The following SPOCK3 variants were observed in gnomAD, a reference collection of about 807,000 sequenced individuals.
SPOCK3 encodes the protein testican-3.
In SPOCK3, 30 loss-of-function variants were observed where a neutral mutation model predicts 56.6. The ratio of observed to expected loss-of-function variants is 0.53; its 90% CI spans 0.40 to 0.72. The LOEUF is 0.72. Among genes scored for constraint, SPOCK3 ranks in the 30% least tolerant of loss-of-function variants. SPOCK3 has a pLI of 0.00. For missense variants in SPOCK3, 527 were observed against 530.0 expected (o/e 0.99, Z 0.06); for synonymous variants, 196 against 183.3 (o/e 1.07, Z -0.56).
intron 4 of SPOCK3, among the ~76,000 whole-genome samples, chr4:166,982,109 A>G (rs1472208625): frequency 6.6e-6 from 1 of 152,050 alleles, no homozygotes; most frequent in East Asian, 1.9e-4. Context: ...CGCCCTGCTG[A>G]ACCAGCAGGG....
At chr4:166,946,617 C>T (rs73861912) in intron 4 of SPOCK3, among the ~76,000 whole-genome samples, 4,012 of 152,318 alleles carry the variant, frequency 0.026, 158 homozygotes, top group African/African-American at 0.089. Context: ...CCATCATCCT[C>T]GTCAGCACTG....
intron 4 of SPOCK3, among the ~76,000 whole-genome samples, chr4:166,982,854 TTAAA>T (rs1441413664): frequency 6.6e-6 from 1 of 152,192 alleles, no homozygotes; most frequent in Non-Finnish European, 1.5e-5. Flanking sequence ...ATACTTGTAC[TTAAA>T]TAATGCATTC....
chr4:167,140,576 T>C (rs1392623040), intron 2 of SPOCK3, among the ~76,000 whole-genome samples: 1 of 152,016 alleles, frequency 6.6e-6, no homozygotes, highest in Non-Finnish European at 1.5e-5. Flanking sequence ...CAGGAAACAT[T>C]AAGCACTGGA....
chr4:166,924,212 A>G (rs1330563138), intron 4 of SPOCK3, among the ~76,000 whole-genome samples: 1 of 152,172 alleles, frequency 6.6e-6, no homozygotes, highest in Non-Finnish European at 1.5e-5. Context: ...AAGGAACATC[A>G]CAAAATATTT....
chr4:166,858,221 G>A (rs1037583390), intron 6 of SPOCK3, among the ~76,000 whole-genome samples: 1 of 152,092 alleles, frequency 6.6e-6, no homozygotes. Context: ...GCAGCATCAG[G>A]TATAAATAAT....
At position 166,944,695 on chromosome 4, in the gene SPOCK3, A is replaced by G. The variant is rs565159715; in HGVS notation, c.351-31952T>C. 9.5e-4 allele frequency among the ~76,000 whole-genome samples: 145 copies of G among 152,096 alleles called. 1 individual carries two copies. Among genetic ancestry groups the G allele is most frequent in the African/African-American group, 3.4e-3 (139 of 41,414 alleles). The stretch of plus-strand genomic sequence containing the variant: ...TTGGCAGGAGTATCACAGAAATTAC[A>G]TATTATTTTTGTCACATCTTCTTAT... On this transcript the variant is annotated intron_variant, in intron 4 of 10. Coordinates refer to ENST00000357545, the MANE Select transcript of SPOCK3 (RefSeq NM_001040159.2).
chr4:166,950,612 C>T (rs1313968997), intron 4 of SPOCK3, among the ~76,000 whole-genome samples: 4 of 150,784 alleles, frequency 2.7e-5, no homozygotes, highest in African/African-American at 7.4e-5. Flanking sequence ...AACTCTCCAC[C>T]CCAAATCAAC....
intron 2 of SPOCK3, among the ~76,000 whole-genome samples, chr4:167,076,438 T>G (rs929114409): frequency 4.6e-5 from 7 of 151,616 alleles, no homozygotes; most frequent in African/African-American, 1.7e-4. Context: ...TTGCTCGATA[T>G]TGCTAGGAAC....
At chr4:167,034,304 T>C (rs1752536903) in intron 3 of SPOCK3, among the ~76,000 whole-genome samples, 1 of 151,598 alleles carries the variant, frequency 6.6e-6, no homozygotes, top group African/African-American at 2.4e-5. Flanking sequence ...AAAATTTGAG[T>C]CCATATACCC....
chr4:167,174,915 T>A (rs1429444255), intron 2 of SPOCK3, among the ~76,000 whole-genome samples: 1 of 151,374 alleles, frequency 6.6e-6, no homozygotes, highest in Non-Finnish European at 1.5e-5. Context: ...CTCAAAGGAG[T>A]CCTTGAAGTT....
intron 8 of SPOCK3, among the ~76,000 whole-genome samples, chr4:166,744,220 C>T (rs970690938): frequency 1.3e-5 from 2 of 152,094 alleles, no homozygotes; most frequent in Non-Finnish European, 2.9e-5. Context: ...GGCTGACTGA[C>T]ACCTCATACA....
chr4:167,198,739 A>G (rs1477822337), intron 2 of SPOCK3, among the ~76,000 whole-genome samples: 2 of 152,148 alleles, frequency 1.3e-5, no homozygotes, highest in African/African-American at 4.8e-5. Flanking sequence ...CGATAGTTCA[A>G]ATCTGATAAC....
At chr4:166,927,377 G>C (rs951823021) in intron 4 of SPOCK3, among the ~76,000 whole-genome samples, 78 of 152,210 alleles carry the variant, frequency 5.1e-4, no homozygotes, top group African/African-American at 1.8e-3. Flanking sequence ...TTCCACTTTT[G>C]CTTCTCTCTC....
intron 2 of SPOCK3, among the ~76,000 whole-genome samples, chr4:167,198,613 C>CT (rs1733199678): frequency 6.6e-6 from 1 of 152,204 alleles, no homozygotes; most frequent in Admixed American, 6.5e-5. Flanking sequence ...AAAGAACATA[C>CT]TTTTTTGTTA....
intron 3 of SPOCK3, among the ~76,000 whole-genome samples, chr4:167,049,500 C>CT (rs1754009374): frequency 6.6e-6 from 1 of 152,062 alleles, no homozygotes; most frequent in Non-Finnish European, 1.5e-5. Flanking sequence ...TATATCACCT[C>CT]TTTTTTATAT....
At chr4:167,217,393 A>T (rs1020716458) in intron 2 of SPOCK3, among the ~76,000 whole-genome samples, 3 of 152,050 alleles carry the variant, frequency 2.0e-5, no homozygotes, top group Non-Finnish European at 4.4e-5. Flanking sequence ...TTCCTAAAAA[A>T]TACAGTAAAG....
chr4:167,134,509 G>A (rs543290247), intron 2 of SPOCK3, among the ~76,000 whole-genome samples: 158 of 152,160 alleles, frequency 1.0e-3, no homozygotes, highest in African/African-American at 3.6e-3. Context: ...TTAATAGCAT[G>A]AAAACTGTCT....
In SPOCK3 at chr4:167,000,365, G is replaced by T. The variant is rs147127158; in HGVS notation, c.334C>A (p.Arg112=). ...AATGTTTACCTGTGTGTAAGCCTCCGGTGACTAATGCAGACTGCAGTCTGA... is the reference window on the plus strand; with the variant it reads ...AATGTTTACCTGTGTGTAAGCCTCCTGTGACTAATGCAGACTGCAGTCTGA... ...DSQTAVCISH[R]RLTHRMKEAG... is the part of the protein sequence containing the mutation. The change falls in exon 4 of 11, where the codon CGG becomes AGG. Residue 112 remains arginine, a synonymous_variant. Transcript: ENST00000357545. 1.3e-6 allele frequency: 2 copies of T among 1,574,696 alleles called. No homozygotes were observed. Among genetic ancestry groups the T allele is most frequent in the Non-Finnish European group, 1.7e-6 (2 of 1,152,710 alleles).
intron 2 of SPOCK3, among the ~76,000 whole-genome samples, chr4:167,128,614 C>T (rs1274411620): frequency 1.3e-5 from 2 of 152,114 alleles, no homozygotes; most frequent in Admixed American, 1.3e-4. Context: ...TTGTCTTGGG[C>T]CACACATAAA....
Sources: gnomAD v4.1 joint callset for allele counts (sites outside exome capture counted in the v4.1 genomes callset) on GRCh38, gnomAD v4.1.1 for gene constraint, MANE v1.5 for transcripts, NCBI Gene and HGNC (gene_info 2026-07-23, HGNC 2026-07-21) for gene names.